The following ROBO1 variants were observed in gnomAD, a reference collection of about 807,000 sequenced individuals.
ROBO1 encodes the protein roundabout homolog 1.
Under a neutral mutation model 195.9 loss-of-function variants are expected in ROBO1, and 149 were observed. The observed-to-expected ratio is 0.76, with a 90% CI of 0.67 to 0.87. The LOEUF (loss-of-function observed/expected upper bound fraction) is 0.87. Ranked by LOEUF, ROBO1 falls within the 40% of genes least tolerant of loss-of-function variation. ROBO1 has a pLI of 0.00. For missense variants in ROBO1, 1,933 were observed against 2,068.3 expected, an observed-to-expected ratio of 0.93 and a Z score of 1.27; for synonymous variants, 816 against 733.2, an observed-to-expected ratio of 1.11 and a Z score of -1.82.
intron 2 of ROBO1, among the ~76,000 whole-genome samples, chr3:79,290,484 A>G (rs1398372302): frequency 2.0e-5 from 3 of 152,246 alleles, no homozygotes; most frequent in Middle Eastern, 3.4e-3. Flanking sequence ...TTCTCTTACT[A>G]TGCAACCTAG....
At chr3:78,602,272 TG>T (rs543146011) in intron 29 of ROBO1, among the ~76,000 whole-genome samples, 46 of 152,150 alleles carry the variant, frequency 3.0e-4, no homozygotes, top group Non-Finnish European at 5.7e-4. Context: ...TTTAAAAGTA[TG>T]TGGCACCTCC....
chr3:78,870,614 T>C (rs2035487613), intron 4 of ROBO1, among the ~76,000 whole-genome samples: 1 of 152,186 alleles, frequency 6.6e-6, no homozygotes, highest in African/African-American at 2.4e-5. Flanking sequence ...AAGGAAATGT[T>C]TCCCAGAAGC....
intron 4 of ROBO1, among the ~76,000 whole-genome samples, chr3:78,819,263 GC>G (rs2030569223): frequency 6.6e-6 from 1 of 151,182 alleles, no homozygotes; most frequent in Non-Finnish European, 1.5e-5. Context: ...CAAATTTAGT[GC>G]TTTTTCTTTA....
In ROBO1 at chr3:78,668,513, G is replaced by C. The variant is rs1707869991; in HGVS notation, c.1601C>G (p.Ala534Gly). The C allele has an allele frequency of 6.2e-7, 1 of 1,613,818 alleles. No homozygotes were observed. Among genetic ancestry groups the C allele is most frequent in the South Asian group, 1.1e-5 (1 of 91,076 alleles). ...AACTTCAATGTAAGCACTCCATGTT[G>C]CTTCACCACTGGGGGTTGATGCAAT... ...TCIASTPSGE[A>G]TWSAYIEVQE... The change falls in exon 12 of 31, where the codon GCA (alanine) becomes GGA (glycine). Residue 534 changes from alanine (A) to glycine (G), a missense_variant. By Grantham distance (60) the Ala-to-Gly change is moderately conservative (BLOSUM62 0). Around this residue, in one of 3 missense-constraint regions of ROBO1, gnomAD observed 1,737 missense variants for 1,882.5 expected, o/e 0.92. Transcript: ENST00000464233.
chr3:78,600,356 T>G (rs1405087692), intron 29 of ROBO1, 47 bp from the exon 30 acceptor site: 3 of 1,192,574 alleles, frequency 2.5e-6, no homozygotes, highest in Middle Eastern at 1.9e-4. Flanking sequence ...ATCATACACT[T>G]TCACTGTATA....
At chr3:79,175,894 A>G (rs2081255080) in intron 2 of ROBO1, among the ~76,000 whole-genome samples, 1 of 152,222 alleles carries the variant, frequency 6.6e-6, no homozygotes, top group Non-Finnish European at 1.5e-5. Context: ...GAATTGTATA[A>G]CTGAGAAAAA....
chr3:79,129,605 T>C (rs1382098432), intron 2 of ROBO1, among the ~76,000 whole-genome samples: 1 of 152,136 alleles, frequency 6.6e-6, no homozygotes, highest in African/African-American at 2.4e-5. Context: ...ATTAAATGTT[T>C]GGGTTTTTAA....
At chr3:79,582,912 A>G (rs540291077) in intron 2 of ROBO1, among the ~76,000 whole-genome samples, 1 of 152,100 alleles carries the variant, frequency 6.6e-6, no homozygotes, top group East Asian at 1.9e-4. Flanking sequence ...TCCTAAAGCT[A>G]TAGTGTAATA....
At chr3:79,341,813 G>A (rs938531706) in intron 2 of ROBO1, among the ~76,000 whole-genome samples, 12 of 152,078 alleles carry the variant, frequency 7.9e-5, no homozygotes, top group Admixed American at 2.0e-4. Context: ...AAAGTTAATC[G>A]GGAAAATAAC....
intron 5 of ROBO1, among the ~76,000 whole-genome samples, chr3:78,725,501 C>T (rs2082140883): frequency 6.6e-6 from 1 of 152,144 alleles, no homozygotes; most frequent in Admixed American, 6.5e-5. Flanking sequence ...GGGGTAAAGA[C>T]TTCTCTGAGC....
At chr3:78,998,310 C>G (rs1017640017) in intron 3 of ROBO1, among the ~76,000 whole-genome samples, 1 of 152,032 alleles carries the variant, frequency 6.6e-6, no homozygotes, top group Non-Finnish European at 1.5e-5. Context: ...ATAGTAATAA[C>G]GACGGCAAAA....
Position 78,746,777 on chromosome 3 carries a change from C to T in ROBO1, c.623G>A (p.Gly208Asp), listed in dbSNP as rs2082667825. The T allele has an allele frequency of 6.4e-7, 1 of 1,573,166 alleles. No individual in the cohort carries two copies. The highest frequency in any genetic ancestry group is 8.7e-7 in the Non-Finnish European group (1 of 1,153,502). ...PEPTISWKKD[G>D]SPLDDKDERI... Reference sequence around the variant, plus strand: ...TTCATCTTTATCATCCAGTGGAGAGCCATCTTTCTTCCATGAAATGGTGGG... The same window carrying T: ...TTCATCTTTATCATCCAGTGGAGAGTCATCTTTCTTCCATGAAATGGTGGG... The change falls in exon 5 of 31, where the codon GGC becomes GAC. Residue 208 changes from glycine to aspartate, a missense_variant. Physicochemically the swap from Gly to Asp is moderately conservative, Grantham distance 94. Around this residue, in one of 3 missense-constraint regions of ROBO1, gnomAD observed 1,737 missense variants for 1,882.5 expected, o/e 0.92. Coordinates refer to ENST00000464233, the MANE Select transcript of ROBO1 (RefSeq NM_002941.4).
intron 4 of ROBO1, among the ~76,000 whole-genome samples, chr3:78,868,504 T>C (rs1313279237): frequency 2.0e-5 from 3 of 152,316 alleles, no homozygotes; most frequent in East Asian, 3.9e-4. Flanking sequence ...TCGCTTTTAA[T>C]ATACACAGAA....
rs891066660 is a variant in ROBO1, at chr3:78,958,823, T to C, written c.173-19896A>G. 2.3e-3 allele frequency among the ~76,000 whole-genome samples: 351 copies of C among 150,050 alleles called. 1 individual carries two copies. Among genetic ancestry groups the C allele is most frequent in the African/African-American group, 8.2e-3 (335 of 40,886 alleles). ...GCTTGGTCACCCTTTCTTCTTCTTT[T>C]TTTTTTTTTTTTTTTCCTTGAGATC... On this transcript the variant is annotated intron_variant, in intron 3 of 30. Transcript: ENST00000464233.
At chr3:78,780,478 C>T (rs1255172902) in intron 4 of ROBO1, among the ~76,000 whole-genome samples, 2 of 151,928 alleles carry the variant, frequency 1.3e-5, no homozygotes. Context: ...ATTCCATATA[C>T]ATGCATGCCC....
At chr3:79,456,137 T>C (rs928171631) in intron 2 of ROBO1, among the ~76,000 whole-genome samples, 1 of 152,186 alleles carries the variant, frequency 6.6e-6, no homozygotes, top group East Asian at 1.9e-4. Context: ...CCTTCATTTC[T>C]ACCACCTTCA....
intron 8 of ROBO1, among the ~76,000 whole-genome samples, chr3:78,703,360 C>G (rs976236447): frequency 2.0e-5 from 3 of 152,122 alleles, no homozygotes; most frequent in African/African-American, 7.2e-5. Context: ...TCACAAATCA[C>G]TCTCTTGTTA....
rs147896370 is a variant in ROBO1, at chr3:79,212,068, T to G, written c.89-86529A>C. The stretch of plus-strand genomic sequence containing the variant: ...AGTTATCCACAGCAGGAGCATGTCC[T>G]TAAGGCACAGATCGCTCCTGCTATT... On this transcript the variant is annotated intron_variant, in intron 2 of 30. Transcript: ENST00000464233. Among the ~76,000 whole-genome samples the G allele has an allele frequency of 7.2e-5, 11 of 152,358 alleles. No individual in the cohort carries two copies. In the East Asian group the frequency reaches 1.9e-3, roughly 27 times the overall value.
chr3:78,855,975 G>A (rs1052686173), intron 4 of ROBO1, among the ~76,000 whole-genome samples: 4 of 151,220 alleles, frequency 2.6e-5, no homozygotes, highest in Non-Finnish European at 4.4e-5. Flanking sequence ...ATTATACTAA[G>A]AAGAGAAAAA....
Sources: allele counts gnomAD v4.1 joint callset (sites outside exome capture counted in the v4.1 genomes callset), GRCh38; gene constraint gnomAD v4.1.1; regional missense constraint gnomAD v4.1.1; transcripts MANE v1.5; gene names NCBI Gene and HGNC (gene_info 2026-07-23, HGNC 2026-07-21).